Variants in RARB observed in about 807,000 individuals in gnomAD.
RARB encodes HBV-activated protein.
In RARB, 17 loss-of-function variants were observed where a neutral mutation model predicts 51.9. That is an observed-to-expected ratio of 0.33 (90% CI 0.22 to 0.49). The LOEUF is 0.49. RARB is among the 20% of genes least tolerant of loss of function. The probability of loss-of-function intolerance (pLI) is 0.99; values close to 1 mark genes in which losing one functional copy is unlikely to be tolerated. For missense variants in RARB, 369 were observed against 550.8 expected (o/e 0.67, Z 3.30); for synonymous variants, 215 against 195.4 (o/e 1.10, Z -0.84).
At chr3:25,500,454 GTTTTTTTTTTTTTTTT>G (rs753321842) in intron 2 of RARB, among the ~76,000 whole-genome samples, 5 of 66,142 alleles carry the variant, frequency 7.6e-5, no homozygotes, top group South Asian at 6.9e-4. Context: ...TTCTTTTCTT[GTTTTTTTTTTTTTTTT>G]TTTTTTTTTT....
At chr3:24,836,218 T>C (rs1162978345) in intron 1 of RARB, among the ~76,000 whole-genome samples, 2 of 152,176 alleles carry the variant, frequency 1.3e-5, no homozygotes, top group African/African-American at 4.8e-5. Context: ...TCTCCTCTTT[T>C]GTGAATGGAG....
chr3:25,581,590 G>C (rs1033670826), intron 5 of RARB, among the ~76,000 whole-genome samples: 1 of 152,204 alleles, frequency 6.6e-6, no homozygotes, highest in African/African-American at 2.4e-5. Flanking sequence ...GAGGCCCACA[G>C]ACGTGCTATG....
intron 5 of RARB, among the ~76,000 whole-genome samples, chr3:25,349,022 A>G (rs755926761): frequency 1.9e-4 from 29 of 152,314 alleles, no homozygotes; most frequent in South Asian, 8.3e-4. Flanking sequence ...GTTAGGATCA[A>G]TGCCATCAAG....
At chr3:24,951,731 C>G (rs914923199) in intron 2 of RARB, among the ~76,000 whole-genome samples, 1 of 152,182 alleles carries the variant, frequency 6.6e-6, no homozygotes, top group East Asian at 1.9e-4. Flanking sequence ...AATGACCCCC[C>G]AAAGGGGCAC....
At chr3:25,439,570 T>C (rs1708574679) in intron 1 of RARB, among the ~76,000 whole-genome samples, 1 of 152,084 alleles carries the variant, frequency 6.6e-6, no homozygotes. Context: ...CACACCTGGC[T>C]AGGTTTTTGG....
chr3:25,153,745 TTA>T (rs1321452473), intron 4 of RARB, among the ~76,000 whole-genome samples: 2 of 152,186 alleles, frequency 1.3e-5, no homozygotes, highest in African/African-American at 4.8e-5. Context: ...AGTGCTGGGA[TTA>T]TAGGCATGAG....
chr3:25,563,308 A>C (rs1176498503), intron 3 of RARB, among the ~76,000 whole-genome samples: 1 of 152,220 alleles, frequency 6.6e-6, no homozygotes, highest in Non-Finnish European at 1.5e-5. Flanking sequence ...TGATTCATTC[A>C]ACACATACTC....
intron 1 of RARB, among the ~76,000 whole-genome samples, chr3:25,429,617 C>T (rs549109288): frequency 6.6e-6 from 1 of 152,194 alleles, no homozygotes; most frequent in East Asian, 1.9e-4. Flanking sequence ...CAGCCCGGAA[C>T]GTGGACATCA....
At chr3:25,224,548 C>G (rs1702012822) in intron 5 of RARB, among the ~76,000 whole-genome samples, 1 of 152,170 alleles carries the variant, frequency 6.6e-6, no homozygotes, top group Non-Finnish European at 1.5e-5. Flanking sequence ...TCTGCAAAGT[C>G]ACTAAATATT....
chr3:25,334,483 A>G (rs1705003483), intron 5 of RARB, among the ~76,000 whole-genome samples: 2 of 152,160 alleles, frequency 1.3e-5, no homozygotes, highest in South Asian at 4.1e-4. Context: ...GAATAATGAG[A>G]ACACTTGGAC....
intron 2 of RARB, among the ~76,000 whole-genome samples, chr3:25,049,145 T>A (rs1698277085): frequency 6.6e-6 from 1 of 152,214 alleles, no homozygotes; most frequent in African/African-American, 2.4e-5. Flanking sequence ...GGAGAAGTTT[T>A]GTGGATTAGG....
At chr3:24,957,834 C>A (rs1410599034) in intron 2 of RARB, among the ~76,000 whole-genome samples, 1 of 152,110 alleles carries the variant, frequency 6.6e-6, no homozygotes, top group Admixed American at 6.5e-5. Context: ...AAAAAGTGAT[C>A]ATATCTCCAG....
chr3:25,519,762 C>T (rs1698326394), intron 3 of RARB, among the ~76,000 whole-genome samples: 1 of 152,076 alleles, frequency 6.6e-6, no homozygotes. Flanking sequence ...CGAATTAACT[C>T]AGATTATTCT....
intron 1 of RARB, among the ~76,000 whole-genome samples, chr3:24,856,838 G>A (rs143065516): frequency 2.6e-5 from 4 of 152,252 alleles, no homozygotes; most frequent in East Asian, 1.9e-4. Context: ...TCTGTATCTC[G>A]AAAAAGCAAT....
chr3:25,190,854 T>G (rs967662014), intron 5 of RARB, among the ~76,000 whole-genome samples: 1 of 152,116 alleles, frequency 6.6e-6, no homozygotes, highest in South Asian at 2.1e-4. Context: ...ACTTGGAGTT[T>G]TTATGATGTT....
chr3:25,399,695 G>A (rs1707213235), intron 5 of RARB, among the ~76,000 whole-genome samples: 1 of 152,188 alleles, frequency 6.6e-6, no homozygotes, highest in Non-Finnish European at 1.5e-5. Context: ...TACCATAGCT[G>A]CTGTGATGGA....
chr3:24,979,794 G>C (rs754838015), intron 2 of RARB, among the ~76,000 whole-genome samples: 1 of 152,032 alleles, frequency 6.6e-6, no homozygotes, highest in Non-Finnish European at 1.5e-5. Context: ...ATATTGTTAC[G>C]TGTGAATTTG....
At chr3:24,923,112 G>A (rs1042160043) in intron 2 of RARB, among the ~76,000 whole-genome samples, 2 of 152,148 alleles carry the variant, frequency 1.3e-5, no homozygotes, top group African/African-American at 2.4e-5. Flanking sequence ...CAAGAGACCG[G>A]GTATTTGAGC....
chr3:24,841,522 C>A (rs6550921), intron 1 of RARB, among the ~76,000 whole-genome samples: 31,735 of 151,934 alleles, frequency 0.21, 4,005 homozygotes, highest in East Asian at 0.35. Context: ...TCTGTTTCAA[C>A]GGGGAAAAAT....
Sources: gnomAD v4.1 joint callset for allele counts (sites outside exome capture counted in the v4.1 genomes callset) on GRCh38, gnomAD v4.1.1 for gene constraint, MANE v1.5 for transcripts, NCBI Gene and HGNC (gene_info 2026-07-23, HGNC 2026-07-21) for gene names.